Variants in TRMT10B observed in about 807,000 individuals in gnomAD.
TRMT10B encodes tRNA methyltransferase 10B, also known as tRNA methyltransferase 10 homolog B.
In TRMT10B, 33 loss-of-function variants were observed where a neutral mutation model predicts 43.8. The ratio of observed to expected loss-of-function variants is 0.75; its 90% CI spans 0.57 to 1.01. The LOEUF (loss-of-function observed/expected upper bound fraction) is 1.01, where lower values mean the gene tolerates loss of function less well. Ranked by LOEUF, TRMT10B falls within the 50% of genes least tolerant of loss-of-function variation. The pLI is 0.00. For missense variants in TRMT10B, 362 were observed against 369.8 expected (o/e 0.98, Z 0.17); for synonymous variants, 137 against 130.6 (o/e 1.05, Z -0.34).
At chr9:37,763,266 T>A (rs1481008617) in intron 3 of TRMT10B, among the ~76,000 whole-genome samples, 4 of 152,178 alleles carry the variant, frequency 2.6e-5, no homozygotes, top group African/African-American at 9.7e-5. Context: ...TAATATTTAT[T>A]CAGTATTCTG....
rs371968656 is a variant in TRMT10B, at chr9:37,770,697, A to G, written c.678A>G (p.Lys226=). The G allele has an allele frequency of 6.2e-7, 1 of 1,614,030 alleles. No homozygotes were observed. The highest frequency in any genetic ancestry group is 8.5e-7 in the Non-Finnish European group (1 of 1,180,006). ...EHALEDVDLN[K]VYILGGLVDE... ...CTCTTGAAGATGTTGATCTAAACAA[A>G]GTTTACATCCTCGGTGGGCTTGTGG... The change falls in exon 7 of 9, where the codon AAA becomes AAG. Residue 226 remains lysine, a synonymous_variant. Transcript: ENST00000297994.
At chr9:37,756,783 TATAC>T (rs550472904) in intron 1 of TRMT10B, among the ~76,000 whole-genome samples, 159 of 148,660 alleles carry the variant, frequency 1.1e-3, no homozygotes, top group African/African-American at 2.4e-3. Flanking sequence ...TACATATGTG[TATAC>T]ATACATGTGT....
At chr9:37,754,314 AGTCTGTGAGT>A (rs1825359239) in intron 1 of TRMT10B, among the ~76,000 whole-genome samples, 1 of 152,214 alleles carries the variant, frequency 6.6e-6, no homozygotes, top group Non-Finnish European at 1.5e-5. Context: ...AGAGGAAGGT[AGTCTGTGAGT>A]GTCTTAGGGA....
At chr9:37,776,514 A>C in intron 8 of TRMT10B, 109 bp downstream of exon 8, 4 of 1,331,276 alleles carry the variant, frequency 3.0e-6, no homozygotes, top group Non-Finnish European at 4.0e-6. Context: ...ATGTGTGTGG[A>C]CTTTATTGCA....
At chr9:37,765,546 T>A (rs962644104) in intron 4 of TRMT10B, among the ~76,000 whole-genome samples, 10 of 152,252 alleles carry the variant, frequency 6.6e-5, no homozygotes, top group African/African-American at 2.4e-4. Context: ...GGAATAAACA[T>A]ACGTGTGCAT....
At chr9:37,753,101 CTT>C (rs1269694012), upstream of TRMT10B, among the ~76,000 whole-genome samples, 3 of 152,022 alleles carry the variant, frequency 2.0e-5, no homozygotes, top group Non-Finnish European at 4.4e-5. Context: ...GGTGTGCCCT[CTT>C]AAGAGATTTA....
chr9:37,774,349 T>C (rs1057122507), intron 7 of TRMT10B, among the ~76,000 whole-genome samples: 2 of 152,214 alleles, frequency 1.3e-5, no homozygotes, highest in African/African-American at 4.8e-5. Context: ...CAGTGAGCAG[T>C]GCATGACTTA....
At chr9:37,764,064 A>C (rs992103766) in intron 4 of TRMT10B, among the ~76,000 whole-genome samples, 3 of 152,182 alleles carry the variant, frequency 2.0e-5, no homozygotes, top group African/African-American at 7.2e-5. Flanking sequence ...TCCAGACACT[A>C]AACCTTTGGG....
chr9:37,774,664 T>C (rs997195736), intron 7 of TRMT10B, among the ~76,000 whole-genome samples: 1 of 152,230 alleles, frequency 6.6e-6, no homozygotes, highest in South Asian at 2.1e-4. Flanking sequence ...ATAGCTCATA[T>C]ATGCAAAGGA....
chr9:37,765,929 G>GTTT (rs1328004988), intron 4 of TRMT10B, among the ~76,000 whole-genome samples: 1 of 52,556 alleles, frequency 1.9e-5, no homozygotes, highest in African/African-American at 6.1e-5. Flanking sequence ...CTTTTTGATG[G>GTTT]GTTTTTTTTT....
At chr9:37,770,355 A>G (rs938311357) in intron 6 of TRMT10B, among the ~76,000 whole-genome samples, 1 of 152,188 alleles carries the variant, frequency 6.6e-6, no homozygotes, top group African/African-American at 2.4e-5. Flanking sequence ...TTCATTTCAC[A>G]TAATTTTAAA....
chr9:37,769,308 T>TAAAAAAAAAAA (rs57651814), intron 5 of TRMT10B, among the ~76,000 whole-genome samples: 4 of 60,722 alleles, frequency 6.6e-5, no homozygotes, highest in African/African-American at 1.5e-4. Context: ...ACCCTGTCTT[T>TAAAAAAAAAAA]AAAAAAAAAA....
At chr9:37,770,429 T>C (rs1028294247) in intron 6 of TRMT10B, among the ~76,000 whole-genome samples, 1 of 152,266 alleles carries the variant, frequency 6.6e-6, no homozygotes, top group African/African-American at 2.4e-5. Context: ...TCTGCAGTTT[T>C]GTTTCCTTTC....
chr9:37,757,233 A>G (rs1825825288), intron 1 of TRMT10B, among the ~76,000 whole-genome samples: 1 of 152,134 alleles, frequency 6.6e-6, no homozygotes. Context: ...ACAGGTGTGC[A>G]TCATCATGCT....
At chr9:37,766,428 C>CCA (rs1224942665) in intron 4 of TRMT10B, among the ~76,000 whole-genome samples, 8 of 152,106 alleles carry the variant, frequency 5.3e-5, no homozygotes, top group Admixed American at 2.6e-4. Flanking sequence ...CTGTTCTGTT[C>CCA]CATTGGTCTA....
At chr9:37,763,012 G>A (rs1311501630) in intron 3 of TRMT10B, among the ~76,000 whole-genome samples, 6 of 148,258 alleles carry the variant, frequency 4.0e-5, no homozygotes, top group Non-Finnish European at 6.0e-5. Context: ...GTGGTGGCAC[G>A]CACCTGTAGT....
intron 4 of TRMT10B, 149 bp downstream of exon 4, chr9:37,763,902 TC>T: frequency 6.7e-7 from 1 of 1,497,814 alleles, no homozygotes; most frequent in Non-Finnish European, 9.0e-7. Context: ...GTTACTAAGT[TC>T]CAAGGTGGCT....
intron 1 of TRMT10B, among the ~76,000 whole-genome samples, chr9:37,755,845 T>C (rs1825609885): frequency 6.6e-6 from 1 of 152,134 alleles, no homozygotes; most frequent in Non-Finnish European, 1.5e-5. Context: ...AAATAAACAC[T>C]GCTGTTTTCA....
At chr9:37,771,666 C>A (rs1827598162) in intron 7 of TRMT10B, among the ~76,000 whole-genome samples, 2 of 152,162 alleles carry the variant, frequency 1.3e-5, no homozygotes, top group African/African-American at 4.8e-5. Context: ...ACTCCTAATA[C>A]AATTGTTGAC....
Sources: allele counts gnomAD v4.1 joint callset (sites outside exome capture counted in the v4.1 genomes callset), GRCh38; gene constraint gnomAD v4.1.1; transcripts MANE v1.5; gene names NCBI Gene and HGNC (gene_info 2026-07-23, HGNC 2026-07-21).